Variants in GIMAP8 observed in about 807,000 individuals in gnomAD.
The protein encoded by GIMAP8 is GTPase IMAP family member 8.
A neutral mutation model predicts 35.6 loss-of-function variants in GIMAP8; 29 were observed. The observed-to-expected ratio is 0.81, with a 90% confidence interval of 0.61 to 1.11. The LOEUF is 1.11. Among genes scored for constraint, GIMAP8 ranks in the 50% most tolerant of loss-of-function variants. The probability of loss-of-function intolerance (pLI) is 0.00; values close to 1 mark genes in which losing one functional copy is unlikely to be tolerated. For synonymous variants in GIMAP8, 335 were observed against 308.7 expected, an observed-to-expected ratio of 1.09 and a Z score of -0.89; for missense variants, 811 against 805.0, an observed-to-expected ratio of 1.01 and a Z score of -0.09.
At chr7:150,473,019 T>C (rs1253703060) in intron 3 of GIMAP8, among the ~76,000 whole-genome samples, 1 of 152,194 alleles carries the variant, frequency 6.6e-6, no homozygotes, top group Non-Finnish European at 1.5e-5. Context: ...TCTACCAACA[T>C]GGAAACAGAT....
At chr7:150,473,046 T>A (rs1802130448) in intron 3 of GIMAP8, among the ~76,000 whole-genome samples, 1 of 152,152 alleles carries the variant, frequency 6.6e-6, no homozygotes, top group African/African-American at 2.4e-5. Flanking sequence ...AGCGGTAAGT[T>A]TTCCAAGGCA....
At chr7:150,460,374 C>T (rs1801817626) in intron 1 of GIMAP8, among the ~76,000 whole-genome samples, 2 of 152,224 alleles carry the variant, frequency 1.3e-5, no homozygotes, top group South Asian at 4.1e-4. Context: ...CTTCCCAAGA[C>T]TTCCTTGTTA....
rs762251598 is a variant in GIMAP8, at chr7:150,477,741, C to T, written c.1959C>T (p.Ala653=). Residue 653 remains alanine (A), a synonymous_variant, in exon 5 of 5, where the codon GCC becomes GCT. Transcript: ENST00000307271. The part of the protein sequence containing the change: ...LIKNVQEMSQ[A]EKLLKNLIGI... ...AAAATGTCCAGGAAATGTCCCAAGCCGAAAAACTCCTTAAAAATTTAATAG... is the reference window on the plus strand; with the variant it reads ...AAAATGTCCAGGAAATGTCCCAAGCTGAAAAACTCCTTAAAAATTTAATAG... 2.7e-5 allele frequency: 44 copies of T among 1,612,902 alleles called. No individual in the cohort carries two copies. The East Asian group carries it at 9.4e-4, about 34-fold the overall frequency.
chr7:150,455,553 T>C (rs1801713707), intron 1 of GIMAP8, among the ~76,000 whole-genome samples: 2 of 152,220 alleles, frequency 1.3e-5, no homozygotes, highest in African/African-American at 4.8e-5. Context: ...ATAGAATCAT[T>C]GGAGGAATCA....
chr7:150,452,675 G>GATAGATATATATAT (rs1379119203), intron 1 of GIMAP8, among the ~76,000 whole-genome samples: 9 of 79,670 alleles, frequency 1.1e-4, no homozygotes, highest in African/African-American at 2.1e-4. Context: ...GTGTGTGTGA[G>GATAGATATATATAT]ATATATATAT....
intron 1 of GIMAP8, among the ~76,000 whole-genome samples, chr7:150,457,815 G>A (rs1270522666): frequency 6.6e-6 from 1 of 152,238 alleles, no homozygotes; most frequent in African/African-American, 2.4e-5. Context: ...ATGAGATTAA[G>A]GTCTGAAGAG....
At position 150,478,784 on chromosome 7, in the gene GIMAP8, C is replaced by T. The variant is rs777225785; in HGVS notation, c.*1004C>T. 1.8e-4 allele frequency: 28 copies of T among 152,198 alleles called. No individual in the cohort carries two copies. The highest frequency in any genetic ancestry group is 6.0e-4 in the African/African-American group (25 of 41,438). 9.4% of individuals were successfully genotyped at this position (152,198 alleles called of 1,614,324 possible). ...GTTCTATCTTTCTGTCCCACCTGCA[C>T]TGGGATGTGGCTTCTACACTCGAAT... On this transcript the variant is annotated 3_prime_UTR_variant, in exon 5 of 5. Transcript: ENST00000307271.
chr7:150,477,954 T>C lies in GIMAP8; in HGVS notation c.*174T>C, dbSNP rs2116623689. Reference sequence around the variant, plus strand: ...TATTTGTAGATAAATAAATTGCAGGTGGGGGCGAATAGTAGGGTATTATAA... The same window carrying C: ...TATTTGTAGATAAATAAATTGCAGGCGGGGGCGAATAGTAGGGTATTATAA... On this transcript the variant is annotated 3_prime_UTR_variant, in exon 5 of 5. Coordinates refer to ENST00000307271, the MANE Select transcript of GIMAP8 (RefSeq NM_175571.4). 1.7e-6 allele frequency: 1 copy of C among 593,470 alleles called. No homozygotes were observed. The highest frequency in any genetic ancestry group is 3.0e-6 in the Non-Finnish European group (1 of 335,130). The allele number at this position is 593,470 out of a possible 1,614,324, so 36.8% of individuals were successfully genotyped here. A position where few individuals can be genotyped will look rare whatever the true frequency, so the allele number is the denominator to read the frequency against.
intron 2 of GIMAP8, 47 bp downstream of exon 2, chr7:150,467,381 A>G: frequency 1.3e-6 from 2 of 1,491,354 alleles, no homozygotes; most frequent in Non-Finnish European, 1.8e-6. Flanking sequence ...TTGCTGAACT[A>G]GTGGGATGAA....
intron 1 of GIMAP8, among the ~76,000 whole-genome samples, chr7:150,452,677 T>TATATAG: frequency 3.5e-5 from 1 of 28,182 alleles, no homozygotes; most frequent in South Asian, 9.0e-4. Context: ...GTGTGTGAGA[T>TATATAG]ATATATATAT....
At chr7:150,453,502 G>A (rs1316738488) in intron 1 of GIMAP8, among the ~76,000 whole-genome samples, 1 of 152,226 alleles carries the variant, frequency 6.6e-6, no homozygotes, top group Non-Finnish European at 1.5e-5. Flanking sequence ...TCTCCCCTGA[G>A]TGCCACAGAC....
intron 4 of GIMAP8, among the ~76,000 whole-genome samples, chr7:150,475,792 GA>G (rs1373372752): frequency 2.6e-5 from 4 of 152,230 alleles, no homozygotes; most frequent in Non-Finnish European, 5.9e-5. Flanking sequence ...AGGTTTTAGA[GA>G]ATGGGTAGGG....
rs1043658282 is a variant in GIMAP8 at position 150,452,600 on chromosome 7, T to A, written c.-29+1425T>A. Reference sequence around the variant, plus strand: ...GTATGTATATATGTATATATATGTATATATGTATGTATATATGTATATATG... The same window carrying A: ...GTATGTATATATGTATATATATGTAAATATGTATGTATATATGTATATATG... On this transcript the variant is annotated intron_variant, in intron 1 of 4. Coordinates refer to ENST00000307271, the MANE Select transcript of GIMAP8 (RefSeq NM_175571.4). Among the ~76,000 whole-genome samples the A allele has an allele frequency of 7.4e-5, 11 of 147,718 alleles. 1 individual carries two copies. In the Admixed American group the frequency reaches 7.5e-4, roughly 10 times the overall value.
At chr7:150,456,768 C>A (rs1801739637) in intron 1 of GIMAP8, among the ~76,000 whole-genome samples, 1 of 152,186 alleles carries the variant, frequency 6.6e-6, no homozygotes, top group Non-Finnish European at 1.5e-5. Flanking sequence ...AGCCAATCAA[C>A]AGTGTCATTT....
Position 150,467,237 on chromosome 7 carries a change from C to CCCAGGTG in GIMAP8, c.540_546dup (p.Leu183ProfsTer10). 1 of 1,614,192 alleles carries CCCAGGTG rather than the reference C, an allele frequency of 6.2e-7. No homozygotes were observed. Among genetic ancestry groups the CCCAGGTG allele is most frequent in the African/African-American group, 1.3e-5 (1 of 75,062 alleles). ...ACCAATAGTAAGGATGAGCAGATCACCCAGGTGTTGGAGCTCCTTCGCAAG... is the reference window on the plus strand; with the variant it reads ...ACCAATAGTAAGGATGAGCAGATCACCCAGGTGCCAGGTGTTGGAGCTCCTTCGCAAG... On this transcript the variant is annotated frameshift_variant, in exon 2 of 5. Coordinates refer to ENST00000307271, the MANE Select transcript of GIMAP8 (RefSeq NM_175571.4). LOFTEE classifies it high-confidence loss of function.
chr7:150,473,881 T>C, intron 3 of GIMAP8, 131 bp from the exon 4 acceptor site: 1 of 899,226 alleles, frequency 1.1e-6, no homozygotes. Context: ...TGGCTGAGAG[T>C]AGAGTTCTAC....
chr7:150,458,525 A>C (rs905427349), intron 1 of GIMAP8, among the ~76,000 whole-genome samples: 1 of 152,174 alleles, frequency 6.6e-6, no homozygotes, highest in Non-Finnish European at 1.5e-5. Flanking sequence ...TTGCCTAACT[A>C]TCTAGGCTCC....
intron 1 of GIMAP8, among the ~76,000 whole-genome samples, chr7:150,462,414 G>A (rs528653448): frequency 6.6e-6 from 1 of 152,234 alleles, no homozygotes; most frequent in East Asian, 1.9e-4. Context: ...ATTCTCATTT[G>A]TATATCTGCT....
Position 150,477,306 on chromosome 7 carries a change from C to G in GIMAP8, c.1524C>G (p.Ser508=), listed in dbSNP as rs770304460. The G allele has an allele frequency of 1.2e-6, 2 of 1,614,074 alleles. No individual in the cohort carries two copies. Among genetic ancestry groups the G allele is most frequent in the African/African-American group, 1.3e-5 (1 of 74,996 alleles). The change falls in exon 5 of 5, where the codon TCC becomes TCG. Residue 508 remains serine, a synonymous_variant. Transcript: ENST00000307271. ...NQMLDVEKDP[S]RLEEEVKRCL... is the part of the protein sequence containing the mutation. ...TGCTGGATGTCGAAAAGGACCCATC[C>G]CGGTTAGAAGAGGAGGTCAAGCGCT...
Sources: gnomAD v4.1 joint callset for allele counts (sites outside exome capture counted in the v4.1 genomes callset) on GRCh38, gnomAD v4.1.1 for gene constraint, MANE v1.5 for transcripts, NCBI Gene and HGNC (gene_info 2026-07-23, HGNC 2026-07-21) for gene names.